The following SHOX variants were observed in gnomAD, a reference collection of about 807,000 sequenced individuals.
SHOX encodes short stature homeobox protein.
SHOX carries 12 observed loss-of-function variants against 29.6 expected under a neutral mutation model. The ratio of observed to expected loss-of-function variants is 0.41; its 90% CI spans 0.26 to 0.66. SHOX has a LOEUF of 0.66. Ranked by LOEUF, SHOX falls within the 30% of genes least tolerant of loss-of-function variation. The probability of loss-of-function intolerance (pLI) is 0.35; values close to 1 mark genes in which losing one functional copy is unlikely to be tolerated. For synonymous variants in SHOX, 214 were observed against 200.6 expected (o/e 1.07, Z -0.57); for missense variants, 499 against 437.7 (o/e 1.14, Z -1.25).
downstream of SHOX, among the ~76,000 whole-genome samples, chrX:654,165 C>T (rs757316248): frequency 7.2e-5 from 11 of 151,948 alleles, no homozygotes; most frequent in Admixed American, 5.3e-4. Flanking sequence ...AGGCTGGGCT[C>T]GGTGGCTCAC....
At chrX:630,565 C>G (rs1364004678), upstream of SHOX, 1 of 469,710 alleles carries the variant, frequency 2.1e-6, no homozygotes, top group African/African-American at 2.0e-5. Context: ...GCGCGCTCTC[C>G]CTTCCAAAAA....
chrX:634,528 C>T (rs1261981848), intron 1 of SHOX, 90 bp from the exon 2 acceptor site: 25 of 1,394,674 alleles, frequency 1.8e-5, no homozygotes, highest in Non-Finnish European at 2.4e-5. Flanking sequence ...TTTCGAGGGC[C>T]CCCTTTCCAC....
rs1569491953 is a variant in SHOX at position 625,607 on chromosome X, CTCTT to C, written c.-433+1007_-433+1010del. Among the ~76,000 whole-genome samples, 183 of 151,266 alleles carry C rather than the reference CTCTT, an allele frequency of 1.2e-3. 4 individuals carry two copies. Among genetic ancestry groups the C allele is most frequent in the South Asian group, 6.1e-3 (29 of 4,744 alleles). On this transcript the variant is annotated intron_variant, in intron 1 of 5. Coordinates refer to the SHOX transcript ENST00000334060. ...GTCTCTCTTTCTCTCTCTCCTCTCT[CTCTT>C]TTTCTCTGTCTCTGTCTGTATCTCT...
rs28554016 is a variant in SHOX, at chrX:649,235, C to A, written c.*4599C>A. Among the ~76,000 whole-genome samples the A allele has an allele frequency of 6.6e-6, 1 of 151,858 alleles. No individual in the cohort carries two copies. Among genetic ancestry groups the A allele is most frequent in the Non-Finnish European group, 1.5e-5 (1 of 67,952 alleles). On this transcript the variant is annotated 3_prime_UTR_variant, in exon 5 of 5. Transcript: ENST00000686671. ...GTATTTTTTAGTAGAGACCGGGTTT[C>A]GCCATGTTGGCCAGGCTGGTCTTGA... is the stretch of plus-strand genomic sequence containing the variant.
At chrX:656,603 A>G (rs2053149695) in intron 5 of SHOX, among the ~76,000 whole-genome samples, 1 of 152,146 alleles carries the variant, frequency 6.6e-6, no homozygotes, top group African/African-American at 2.4e-5. Context: ...GCATTTTGGG[A>G]GGCCGAGGCG....
At chrX:633,248 G>C (rs1490405308) in intron 1 of SHOX, among the ~76,000 whole-genome samples, 1 of 152,170 alleles carries the variant, frequency 6.6e-6, no homozygotes, top group Non-Finnish European at 1.5e-5. Context: ...GAGCCCGTGG[G>C]TTCTGCAAAG....
upstream of SHOX, chrX:630,703 G>A (rs1005223828): frequency 4.4e-6 from 3 of 674,506 alleles, no homozygotes; most frequent in Middle Eastern, 4.2e-4. Context: ...CGCGGAGCCC[G>A]GAGACCAGTA....
intron 1 of SHOX, among the ~76,000 whole-genome samples, chrX:634,066 C>G (rs1333470406): frequency 5.3e-5 from 8 of 152,198 alleles, no homozygotes; most frequent in Admixed American, 1.3e-4. Context: ...GTGGCGCATT[C>G]AGGTACTCAG....
At chrX:631,601 G>A (rs758295362) in intron 1 of SHOX, among the ~76,000 whole-genome samples, 33 of 152,174 alleles carry the variant, frequency 2.2e-4, no homozygotes, top group African/African-American at 7.7e-4. Context: ...GTGCGATCTC[G>A]GCTCACTGCA....
chrX:625,991 A>C (rs1347516594), upstream of SHOX, among the ~76,000 whole-genome samples: 40 of 8,906 alleles, frequency 4.5e-3, no homozygotes, highest in Non-Finnish European at 4.4e-3. Context: ...ATCTCTGTCT[A>C]TCTCTGTCTC....
chrX:654,166 G>C (rs140698622), downstream of SHOX, among the ~76,000 whole-genome samples: 1 of 151,744 alleles, frequency 6.6e-6, no homozygotes, highest in African/African-American at 2.4e-5. Context: ...GGCTGGGCTC[G>C]GTGGCTCACA....
rs112163574 is a variant in SHOX, at chrX:647,276, A to G, written c.*2640A>G. Among the ~76,000 whole-genome samples the G allele has an allele frequency of 0.027, 1,587 of 59,352 alleles. 2 individuals carry two copies. The highest frequency in any genetic ancestry group is 0.21 in the Middle Eastern group (17 of 82). The allele number at this position is 59,352 out of a possible 152,430, so 38.9% of individuals were successfully genotyped here. A position where few individuals can be genotyped will look rare whatever the true frequency, so the allele number is the denominator to read the frequency against. ...GTATTTTTAGTAGAGACAGGGTTTC[A>G]GCCTCCCGAGTAGCTGGGATTACAG... On this transcript the variant is annotated 3_prime_UTR_variant, in exon 5 of 5. Coordinates refer to ENST00000686671, the MANE Select transcript of SHOX (RefSeq NM_000451.4).
chrX:633,542 T>C (rs1344826092), intron 1 of SHOX, among the ~76,000 whole-genome samples: 1 of 152,044 alleles, frequency 6.6e-6, no homozygotes. Flanking sequence ...AGGGTGCTAG[T>C]ATTTACCCCG....
Position 644,512 on chromosome X carries a change from C to A in SHOX, c.755C>A (p.Ser252Ter), listed in dbSNP as rs1281106288. The A allele has an allele frequency of 6.6e-7, 1 of 1,520,194 alleles. No homozygotes were observed. Among genetic ancestry groups the A allele is most frequent in the South Asian group, 1.2e-5 (1 of 82,302 alleles). 94.2% of individuals were successfully genotyped at this position (1,520,194 alleles called of 1,614,324 possible). Reference sequence around the variant, plus strand: ...CCGCCCTTCGGGCTGCCCATCGCGTCGCTGGCCGAGTCCGCCTCGGCCGCC... The same window carrying A: ...CCGCCCTTCGGGCTGCCCATCGCGTAGCTGGCCGAGTCCGCCTCGGCCGCC... ...PPPPFGLPIA[S>*]LAESASAAAV... Residue 252 changes from serine (S) to a stop codon, truncating the protein, a stop_gained, in exon 5 of 5, where the codon TCG becomes TAG. Coordinates refer to ENST00000686671, the MANE Select transcript of SHOX (RefSeq NM_000451.4). LOFTEE classifies it high-confidence loss of function.
chrX:628,325 C>CTGTG (rs2052579237), upstream of SHOX, among the ~76,000 whole-genome samples: 1 of 150,144 alleles, frequency 6.7e-6, no homozygotes, highest in South Asian at 2.2e-4. Flanking sequence ...CTCTCCTTGT[C>CTGTG]TCTCTCTTTC....
chrX:658,257 G>A (rs112796638), intron 5 of SHOX, among the ~76,000 whole-genome samples: 7,123 of 152,020 alleles, frequency 0.047, 218 homozygotes, highest in Non-Finnish European at 0.072. Context: ...TGACAGACAT[G>A]AGCCAGCACG....
Position 644,791 on chromosome X carries a change from T to C in SHOX, c.*155T>C. Reference sequence around the variant, plus strand: ...CTGCAAGAGGCCTGAGGAGGGAGGCTCCCGGGACCGTCCACGCACGACCCA... The same window carrying C: ...CTGCAAGAGGCCTGAGGAGGGAGGCCCCCGGGACCGTCCACGCACGACCCA... On this transcript the variant is annotated 3_prime_UTR_variant, in exon 5 of 5. Transcript: ENST00000686671. The C allele has an allele frequency of 1.9e-6, 2 of 1,047,348 alleles. No homozygotes were observed. Among genetic ancestry groups the C allele is most frequent in the Non-Finnish European group, 2.5e-6 (2 of 790,054 alleles). 64.9% of individuals were successfully genotyped at this position (1,047,348 alleles called of 1,614,324 possible).
chrX:630,739 G>A (rs1419243814), upstream of SHOX: 4 of 901,208 alleles, frequency 4.4e-6, no homozygotes, highest in African/African-American at 6.6e-5. Flanking sequence ...CAGCGCATGG[G>A]GGGCTGGGCG....
At chrX:652,964 CA>C (rs1268104185), downstream of SHOX, among the ~76,000 whole-genome samples, 1 of 152,176 alleles carries the variant, frequency 6.6e-6, no homozygotes, top group Non-Finnish European at 1.5e-5. Context: ...TGGCCGGGCG[CA>C]GTGTGGCTCT....
Sources: gnomAD v4.1 joint callset for allele counts (sites outside exome capture counted in the v4.1 genomes callset) on GRCh38, gnomAD v4.1.1 for gene constraint, MANE v1.5 for transcripts, NCBI Gene and HGNC (gene_info 2026-07-23, HGNC 2026-07-21) for gene names.